Variants in GFOD1 observed in about 807,000 individuals in gnomAD.
The protein encoded by GFOD1 is glucose-fructose oxidoreductase domain-containing protein 1.
Under a neutral mutation model 25.4 loss-of-function variants are expected in GFOD1, and 9 were observed. The ratio of observed to expected loss-of-function variants is 0.35; its 90% confidence interval spans 0.21 to 0.62. The LOEUF (loss-of-function observed/expected upper bound fraction) is 0.62. Among genes scored for constraint, GFOD1 ranks in the 20% least tolerant of loss-of-function variants. GFOD1 has a pLI of 0.72. For synonymous variants in GFOD1, 253 were observed against 245.6 expected (o/e 1.03, Z -0.28); for missense variants, 403 against 556.9 (o/e 0.72, Z 2.78).
intron 1 of GFOD1, among the ~76,000 whole-genome samples, chr6:13,407,136 G>A (rs1338994426): frequency 6.6e-6 from 1 of 151,540 alleles, no homozygotes; most frequent in Non-Finnish European, 1.5e-5. Context: ...ATACTCTAGG[G>A]ATGGTGGCGC....
intron 1 of GFOD1, chr6:13,486,258 C>CCCCCA (rs1562234483): frequency 4.0e-6 from 1 of 247,248 alleles, no homozygotes; most frequent in African/African-American, 3.7e-5. Context: ...CCCCCCCCCC[C>CCCCCA]ACACACACAC....
chr6:13,465,040 T>G lies in GFOD1; in HGVS notation c.253+21598A>C, dbSNP rs148940951. 5.9e-5 allele frequency among the ~76,000 whole-genome samples: 9 copies of G among 152,312 alleles called. No homozygotes were observed. In the East Asian group the frequency reaches 1.3e-3, roughly 23 times the overall value. The stretch of plus-strand genomic sequence containing the variant: ...ATTTCCTCTGCCAAATATAATTGCT[T>G]CTTCTTCTGTGCTCATTCTCATAGT... On this transcript the variant is annotated intron_variant, in intron 1 of 1. Coordinates refer to ENST00000379287, the MANE Select transcript of GFOD1 (RefSeq NM_018988.4).
intron 1 of GFOD1, among the ~76,000 whole-genome samples, chr6:13,461,649 G>C (rs1758292181): frequency 6.6e-6 from 1 of 152,184 alleles, no homozygotes; most frequent in Non-Finnish European, 1.5e-5. Context: ...TGAGTGGTGT[G>C]CTGGTGTTTT....
At position 13,364,653 on chromosome 6, in the gene GFOD1, A is replaced by T. The variant is rs1417982102; in HGVS notation, c.*90T>A. 4 of 1,109,862 alleles carry T rather than the reference A, an allele frequency of 3.6e-6. No homozygotes were observed. Among genetic ancestry groups the T allele is most frequent in the Non-Finnish European group, 5.2e-6 (4 of 772,718 alleles). 68.8% of individuals were successfully genotyped at this position (1,109,862 alleles called of 1,614,324 possible). ...GTCCCTCCACCTCCCTGATCCCCACATTCCCCATGGTCACCCTCTCCCCTC... is the reference window on the plus strand; with the variant it reads ...GTCCCTCCACCTCCCTGATCCCCACTTTCCCCATGGTCACCCTCTCCCCTC... On this transcript the variant is annotated 3_prime_UTR_variant, in exon 2 of 2. Transcript: ENST00000379287. The surrounding 1 kb of genome is among the most constrained non-coding windows in gnomAD (Gnocchi z 4.1).
intron 1 of GFOD1, among the ~76,000 whole-genome samples, chr6:13,373,995 A>G (rs1785200946): frequency 6.6e-6 from 1 of 152,194 alleles, no homozygotes; most frequent in South Asian, 2.1e-4. Flanking sequence ...CTCATAGCAC[A>G]AATGGTACAA....
At chr6:13,436,136 C>G (rs904420147) in intron 1 of GFOD1, among the ~76,000 whole-genome samples, 1 of 152,188 alleles carries the variant, frequency 6.6e-6, no homozygotes. Flanking sequence ...ACATTTCATA[C>G]TTTACTCTTT....
At position 13,368,253 on chromosome 6, in the gene GFOD1, T is replaced by C. The variant is rs374405040; in HGVS notation, c.254-2591A>G. Among the ~76,000 whole-genome samples, 40 of 152,342 alleles carry C rather than the reference T, an allele frequency of 2.6e-4. No individual in the cohort carries two copies. The South Asian group carries it at 8.1e-3, about 31-fold the overall frequency. On this transcript the variant is annotated intron_variant, in intron 1 of 1. Transcript: ENST00000379287. ...AGTGAAAAGCCTGGAGCCTACAGAA[T>C]GACCACACCTCCTTGCCTTTTCTTC...
intron 1 of GFOD1, among the ~76,000 whole-genome samples, chr6:13,420,647 G>A (rs1257983923): frequency 6.6e-6 from 1 of 152,206 alleles, no homozygotes; most frequent in Admixed American, 6.5e-5. Flanking sequence ...GTCAAGAGCT[G>A]CTGTCTTTTT....
At chr6:13,436,321 G>A (rs1431997423) in intron 1 of GFOD1, among the ~76,000 whole-genome samples, 1 of 152,172 alleles carries the variant, frequency 6.6e-6, no homozygotes, top group Admixed American at 6.5e-5. Context: ...GAAATAAAAT[G>A]AAATTAAGTT....
chr6:13,384,351 CA>C, intron 1 of GFOD1, among the ~76,000 whole-genome samples: 1 of 152,234 alleles, frequency 6.6e-6, no homozygotes, highest in African/African-American at 2.4e-5. Context: ...TGGACTTAGT[CA>C]CTTACTCTAT....
intron 1 of GFOD1, among the ~76,000 whole-genome samples, chr6:13,383,974 C>T (rs1191660192): frequency 6.6e-6 from 1 of 152,214 alleles, no homozygotes; most frequent in Non-Finnish European, 1.5e-5. Context: ...GTCTGTAAAT[C>T]CTAACACTTT....
chr6:13,415,411 G>T (rs776268364), intron 1 of GFOD1, among the ~76,000 whole-genome samples: 3 of 152,116 alleles, frequency 2.0e-5, no homozygotes, highest in African/African-American at 7.2e-5. Flanking sequence ...AGAAGGGGTC[G>T]TTGAGTCACC....
intron 1 of GFOD1, among the ~76,000 whole-genome samples, chr6:13,452,218 G>A (rs1562223418): frequency 6.6e-6 from 1 of 152,158 alleles, no homozygotes; most frequent in Non-Finnish European, 1.5e-5. Context: ...GAGAGGGGGA[G>A]GATGCTGTAG....
chr6:13,470,763 A>C, intron 1 of GFOD1: 1 of 1,274,214 alleles, frequency 7.8e-7, no homozygotes, highest in Non-Finnish European at 1.0e-6. Context: ...GTACTCTAAA[A>C]TCATTACTTT....
chr6:13,401,013 C>G (rs189417513), intron 1 of GFOD1, among the ~76,000 whole-genome samples: 2 of 152,286 alleles, frequency 1.3e-5, no homozygotes, highest in African/African-American at 4.8e-5. Context: ...GCCTGGAGAG[C>G]CAACAACAGC....
Position 13,364,899 on chromosome 6 carries a change from G to A in GFOD1, c.1017C>T (p.Asp339=). The A allele has an allele frequency of 1.9e-6, 3 of 1,613,626 alleles. No individual in the cohort carries two copies. Among genetic ancestry groups the A allele is most frequent in the Non-Finnish European group, 1.7e-6 (2 of 1,180,020 alleles). ...RPLTMAATFD[D]CLYALCVVDT... ...CCACCACGCACAAGGCATACAGGCA[G>A]TCGTCGAAGGTGGCGGCCATGGTGA... is the stretch of plus-strand genomic sequence containing the variant. Residue 339 remains aspartate (D), a synonymous_variant, in exon 2 of 2, where the codon GAC becomes GAT. Transcript: ENST00000379287. This position sits in a 1 kb window ranked among gnomAD's most constrained non-coding sequence, Gnocchi z 4.1.
intron 1 of GFOD1, among the ~76,000 whole-genome samples, chr6:13,431,050 G>T (rs927157350): frequency 6.6e-6 from 1 of 152,222 alleles, no homozygotes; most frequent in Non-Finnish European, 1.5e-5. Context: ...AATAAGTCTG[G>T]GTTTGGGACT....
intron 1 of GFOD1, among the ~76,000 whole-genome samples, chr6:13,405,902 C>T (rs1785935525): frequency 6.6e-6 from 1 of 152,172 alleles, no homozygotes; most frequent in South Asian, 2.1e-4. Flanking sequence ...GAGATACTCG[C>T]AAGCCCCAGC....
intron 1 of GFOD1, among the ~76,000 whole-genome samples, chr6:13,444,897 T>C (rs1415125450): frequency 1.3e-5 from 2 of 152,220 alleles, no homozygotes; most frequent in Admixed American, 1.3e-4. Flanking sequence ...ATATGATCGA[T>C]ATATACCATT....
Sources: gnomAD v4.1 joint callset for allele counts (sites outside exome capture counted in the v4.1 genomes callset) on GRCh38, gnomAD v4.1.1 for gene constraint, Gnocchi (gnomAD v3.1) non-coding constraint, MANE v1.5 for transcripts, NCBI Gene and HGNC (gene_info 2026-07-23, HGNC 2026-07-21) for gene names.